The following LRP2BP variants were observed in gnomAD, a reference collection of about 807,000 sequenced individuals.
LRP2BP encodes LRP2-binding protein.
Under a neutral mutation model 45.2 loss-of-function variants are expected in LRP2BP, and 38 were observed. The observed-to-expected ratio is 0.84, with a 90% CI of 0.65 to 1.10. The LOEUF (loss-of-function observed/expected upper bound fraction) is 1.10. Ranked by LOEUF, LRP2BP falls within the 50% of genes least tolerant of loss-of-function variation. The pLI is 0.00. For synonymous variants in LRP2BP, 153 were observed against 153.9 expected, an observed-to-expected ratio of 0.99 and a Z score of 0.04; for missense variants, 385 against 418.9, an observed-to-expected ratio of 0.92 and a Z score of 0.71.
Position 185,395,435 on chromosome 4 carries a change from C to T in LRP2BP, c.-678G>A. ...TCAACACGTGTTTTAAAAAGCAGTGCTTATTGAATTGATAAACAAAAGCGA... is the reference window on the plus strand; with the variant it reads ...TCAACACGTGTTTTAAAAAGCAGTGTTTATTGAATTGATAAACAAAAGCGA... On this transcript the variant is annotated 5_prime_UTR_variant, in exon 1 of 9. Coordinates refer to ENST00000505916, the MANE Select transcript of LRP2BP (RefSeq NM_001377440.1). The T allele has an allele frequency of 2.0e-6, 2 of 985,056 alleles. No individual in the cohort carries two copies. The highest frequency in any genetic ancestry group is 2.4e-6 in the Non-Finnish European group (2 of 829,624). The allele number at this position is 985,056 out of a possible 1,614,324, so 61.0% of individuals were successfully genotyped here. A position where few individuals can be genotyped will look rare whatever the true frequency, so the allele number is the denominator to read the frequency against.
chr4:185,385,686 A>C (rs756145949), intron 1 of LRP2BP, among the ~76,000 whole-genome samples: 10 of 152,102 alleles, frequency 6.6e-5, no homozygotes, highest in Non-Finnish European at 1.5e-4. Flanking sequence ...GCAGATCAGG[A>C]GGTCAGGAGT....
chr4:185,368,095 G>A (rs1007513896), intron 8 of LRP2BP, among the ~76,000 whole-genome samples: 1 of 152,076 alleles, frequency 6.6e-6, no homozygotes, highest in Non-Finnish European at 1.5e-5. Context: ...GGAGAATGGC[G>A]TGAACCTGGG....
intron 1 of LRP2BP, among the ~76,000 whole-genome samples, chr4:185,387,219 C>T (rs1031190325): frequency 2.6e-5 from 4 of 152,090 alleles, no homozygotes; most frequent in Non-Finnish European, 4.4e-5. Flanking sequence ...GGTGACAGAG[C>T]GAGACTCAGT....
intron 7 of LRP2BP, 59 bp from the exon 8 acceptor site, chr4:185,370,873 A>G: frequency 6.4e-7 from 1 of 1,560,632 alleles, no homozygotes; most frequent in Non-Finnish European, 8.8e-7. Context: ...GTGTTTGTAA[A>G]ACGATGCGCC....
chr4:185,376,878 G>T, intron 3 of LRP2BP, 31 bp downstream of exon 3: 1 of 1,490,978 alleles, frequency 6.7e-7, no homozygotes, highest in Non-Finnish European at 9.3e-7. Context: ...AGAATTACAG[G>T]AAATGAAAAC....
chr4:185,377,036 A>G lies in LRP2BP; in HGVS notation c.107-18T>C. 1.3e-6 allele frequency: 2 copies of G among 1,515,916 alleles called. No homozygotes were observed. Among genetic ancestry groups the G allele is most frequent in the Non-Finnish European group, 1.8e-6 (2 of 1,090,506 alleles). The allele number at this position is 1,515,916 out of a possible 1,614,324, so 93.9% of individuals were successfully genotyped here. On this transcript the variant is annotated intron_variant, in intron 2 of 8. Coordinates refer to ENST00000505916, the MANE Select transcript of LRP2BP (RefSeq NM_001377440.1). ...GGTGTAATCTGATTTTAAAAAGGTA[A>G]GGAATTCCATCAACCACACAATATG...
At chr4:185,385,767 A>C (rs2095469373) in intron 1 of LRP2BP, among the ~76,000 whole-genome samples, 1 of 152,052 alleles carries the variant, frequency 6.6e-6, no homozygotes, top group Non-Finnish European at 1.5e-5. Context: ...TGGGTGCGGT[A>C]GTAGGCGCCT....
chr4:185,376,711 A>G (rs1257047384), intron 3 of LRP2BP, among the ~76,000 whole-genome samples, 198 bp downstream of exon 3: 1 of 152,206 alleles, frequency 6.6e-6, no homozygotes, highest in East Asian at 1.9e-4. Flanking sequence ...CTTTCATGAC[A>G]TGGATTTTAT....
Position 185,371,310 on chromosome 4 carries a change from C to T in LRP2BP, c.804-496G>A, listed in dbSNP as rs527797476. 3.9e-5 allele frequency among the ~76,000 whole-genome samples: 6 copies of T among 152,028 alleles called. No homozygotes were observed. In the South Asian group the frequency reaches 6.2e-4, roughly 16 times the overall value. ...ATCCCAGCACTTTGGGAGGCCAAGG[C>T]AGGCGGATCACGAGGTTAGGAGATT... On this transcript the variant is annotated intron_variant, in intron 7 of 8. Transcript: ENST00000505916.
intron 1 of LRP2BP, among the ~76,000 whole-genome samples, chr4:185,383,436 T>C (rs374678460): frequency 4.1e-4 from 63 of 152,232 alleles, no homozygotes; most frequent in African/African-American, 1.1e-3. Flanking sequence ...GCTATGACTG[T>C]GCCATTGCAC....
At chr4:185,368,362 C>T (rs894345632) in intron 8 of LRP2BP, among the ~76,000 whole-genome samples, 3 of 152,094 alleles carry the variant, frequency 2.0e-5, no homozygotes, top group Non-Finnish European at 2.9e-5. Context: ...GCCTCCAGGT[C>T]CCAGTTACCA....
intron 1 of LRP2BP, chr4:185,378,844 T>G: frequency 1.0e-6 from 1 of 985,450 alleles, no homozygotes; most frequent in Non-Finnish European, 1.2e-6. Context: ...GTTGCTACAC[T>G]TTTGTATTTA....
Position 185,372,963 on chromosome 4 carries a change from C to CT in LRP2BP, c.695dup (p.Cys233ValfsTer23). 6.2e-7 allele frequency: 1 copy of CT among 1,614,056 alleles called. No individual in the cohort carries two copies. Among genetic ancestry groups the CT allele is most frequent in the Non-Finnish European group, 8.5e-7 (1 of 1,179,908 alleles). ...CGCGTTCTGCTGCTTCTCTTAAGCA[C>CT]TGCAGGGCAGCTTCCGTATCCTGCC... On this transcript the variant is annotated frameshift_variant, in exon 7 of 9. Transcript: ENST00000505916. LOFTEE classifies it high-confidence loss of function.
At chr4:185,381,502 C>T (rs941336576) in intron 1 of LRP2BP, among the ~76,000 whole-genome samples, 80 of 152,144 alleles carry the variant, frequency 5.3e-4, no homozygotes, top group African/African-American at 1.8e-3. Flanking sequence ...AGTGATTGGG[C>T]ACAAAATCCC....
rs1354369442 is a variant in LRP2BP at position 185,368,007 on chromosome 4, G to A, written c.979-762C>T. ...ATCCCGGCTAACACAGTGAAACTCC[G>A]TCTCTACTAAAAATACAAAAATTAG... On this transcript the variant is annotated intron_variant, in intron 8 of 8. Coordinates refer to ENST00000505916, the MANE Select transcript of LRP2BP (RefSeq NM_001377440.1). 2.6e-5 allele frequency among the ~76,000 whole-genome samples: 4 copies of A among 152,014 alleles called. No individual in the cohort carries two copies. In the East Asian group the frequency reaches 5.8e-4, roughly 22 times the overall value.
chr4:185,386,402 CTCAGA>C (rs748066686), intron 1 of LRP2BP, among the ~76,000 whole-genome samples: 5 of 152,184 alleles, frequency 3.3e-5, no homozygotes, highest in Non-Finnish European at 7.3e-5. Context: ...TGGGAATAAC[CTCAGA>C]TAAGTGTCTA....
chr4:185,367,292 G>C, intron 8 of LRP2BP, 47 bp from the exon 9 acceptor site: 1 of 1,475,596 alleles, frequency 6.8e-7, no homozygotes, highest in Non-Finnish European at 9.2e-7. Flanking sequence ...CTAATTGTTT[G>C]GGTCTTTCTT....
At chr4:185,376,010 C>T (rs2095436280) in intron 3 of LRP2BP, among the ~76,000 whole-genome samples, 1 of 152,148 alleles carries the variant, frequency 6.6e-6, no homozygotes, top group Admixed American at 6.5e-5. Flanking sequence ...AGGTGAACAG[C>T]TGCCCAAATA....
Position 185,395,029 on chromosome 4 carries a change from T to C in LRP2BP, c.-272A>G. 1 of 985,470 alleles carries C rather than the reference T, an allele frequency of 1.0e-6. No individual in the cohort carries two copies. Among genetic ancestry groups the C allele is most frequent in the Non-Finnish European group, 1.2e-6 (1 of 829,936 alleles). 61.0% of individuals were successfully genotyped at this position (985,470 alleles called of 1,614,324 possible). A position where few individuals can be genotyped will look rare whatever the true frequency, so the allele number is the denominator to read the frequency against. ...CTGTTTTTGTGCATTATAAGCTTTG[T>C]TCAGTTTATAGTTTCTAGGCCCATT... On this transcript the variant is annotated 5_prime_UTR_variant, in exon 1 of 9. Transcript: ENST00000505916.
Sources: gnomAD v4.1 joint callset for allele counts (sites outside exome capture counted in the v4.1 genomes callset) on GRCh38, gnomAD v4.1.1 for gene constraint, MANE v1.5 for transcripts, NCBI Gene and HGNC (gene_info 2026-07-23, HGNC 2026-07-21) for gene names.